Variants in USP22 observed in about 807,000 individuals in gnomAD.
USP22 encodes the protein ubiquitin carboxyl-terminal hydrolase 22.
USP22 carries 22 observed loss-of-function variants against 68.1 expected under a neutral mutation model. The observed-to-expected ratio is 0.32, with a 90% CI of 0.23 to 0.46. USP22 has a LOEUF of 0.46. Ranked by LOEUF, USP22 falls within the 20% of genes least tolerant of loss-of-function variation. USP22 has a pLI of 1.00. For synonymous variants in USP22, 279 were observed against 274.2 expected, an observed-to-expected ratio of 1.02 and a Z score of -0.17; for missense variants, 433 against 695.8, an observed-to-expected ratio of 0.62 and a Z score of 4.25.
chr17:21,026,321 G>A (rs769569247), intron 2 of USP22, among the ~76,000 whole-genome samples: 17 of 152,006 alleles, frequency 1.1e-4, no homozygotes, highest in Non-Finnish European at 2.2e-4. Context: ...GCCTTAAATC[G>A]TCTCACTTCT....
In USP22 at chr17:21,004,784, CA is replaced by C; in HGVS notation, c.1385+143del. 10 of 146,920 alleles carry C rather than the reference CA, an allele frequency of 6.8e-5. 4 individuals are homozygous for C. Among genetic ancestry groups the C allele is most frequent in the South Asian group, 1.8e-4 (1 of 5,642 alleles). The allele number at this position is 146,920 out of a possible 1,614,324, so 9.1% of individuals were successfully genotyped here. ...CGGCCTTTCCTAGTGGAGCTGCGGGCAGCCAATAGTGGAGCTGCGGGCAGCC... is the reference window on the plus strand; with the variant it reads ...CGGCCTTTCCTAGTGGAGCTGCGGGCGCCAATAGTGGAGCTGCGGGCAGCC... On this transcript the variant is annotated intron_variant, in intron 11 of 12. Coordinates refer to ENST00000261497, the MANE Select transcript of USP22 (RefSeq NM_015276.2).
At chr17:21,026,725 G>C (rs1285020174) in intron 2 of USP22, among the ~76,000 whole-genome samples, 2 of 151,696 alleles carry the variant, frequency 1.3e-5, no homozygotes, top group Non-Finnish European at 2.9e-5. Flanking sequence ...AGCACTTTGG[G>C]AGGCCACAGC....
rs755463558 is a variant in USP22 at position 21,008,028 on chromosome 17, A to ATTAC, written c.1104-33_1104-32insGTAA. The ATTAC allele has an allele frequency of 1.9e-6, 3 of 1,605,442 alleles. No individual in the cohort carries two copies. In the Admixed American group the frequency reaches 5.1e-5, roughly 27 times the overall value. On this transcript the variant is annotated intron_variant, in intron 8 of 12. Transcript: ENST00000261497. ...GCGTTCAAAAAAGACAGGAGCGGTAAGGGAGATGCAAGAGACAGAAAAATG... is the reference window on the plus strand; with the variant it reads ...GCGTTCAAAAAAGACAGGAGCGGTAATTACGGGAGATGCAAGAGACAGAAAAATG...
intron 7 of USP22, 42 bp from the exon 8 acceptor site, chr17:21,011,351 C>T (rs1242602770): frequency 6.5e-7 from 1 of 1,549,892 alleles, no homozygotes; most frequent in Admixed American, 2.0e-5. Context: ...GACTGACACC[C>T]ACCCAGCTCC....
chr17:21,021,973 G>A (rs1238406205), intron 2 of USP22, among the ~76,000 whole-genome samples: 2 of 152,040 alleles, frequency 1.3e-5, no homozygotes, highest in South Asian at 2.1e-4. Context: ...GGTGGCACAC[G>A]CCTGTAACCC....
intron 1 of USP22, 83 bp from the exon 2 acceptor site, chr17:21,028,757 C>T (rs1972253951): frequency 1.3e-6 from 2 of 1,494,066 alleles, no homozygotes; most frequent in Admixed American, 4.4e-5. Context: ...AAGCATCCCC[C>T]CGAGACAGCT....
At chr17:21,042,395 G>GAGAGGAGGGGGAGGGGAC (rs1972448225) in intron 1 of USP22, 1 of 246,258 alleles carries the variant, frequency 4.1e-6, no homozygotes, top group African/African-American at 2.3e-5. Context: ...GGAGGGGACA[G>GAGAGGAGGGGGAGGGGAC]AGAGGAGGGG....
chr17:21,032,548 C>A lies in USP22; in HGVS notation c.172-3874G>T, dbSNP rs553839868. The stretch of plus-strand genomic sequence containing the variant: ...AATTTGAGATGAAATTTCTGTTGTT[C>A]TAAGTTAATCGGTTTGTGGTGGTTT... On this transcript the variant is annotated intron_variant, in intron 1 of 12. Transcript: ENST00000261497. 2.0e-5 allele frequency among the ~76,000 whole-genome samples: 3 copies of A among 152,278 alleles called. No homozygotes were observed. In the South Asian group the frequency reaches 6.2e-4, roughly 32 times the overall value.
At chr17:21,036,719 G>A (rs1225613747) in intron 1 of USP22, among the ~76,000 whole-genome samples, 1 of 152,120 alleles carries the variant, frequency 6.6e-6, no homozygotes, top group African/African-American at 2.4e-5. Context: ...TAGAGTTGGA[G>A]ATATAAACAT....
intron 1 of USP22, among the ~76,000 whole-genome samples, chr17:21,032,122 C>T (rs1972298103): frequency 6.6e-6 from 1 of 150,852 alleles, no homozygotes; most frequent in African/African-American, 2.5e-5. Flanking sequence ...ATGCTTACAA[C>T]CGTCTTTCAA....
At chr17:21,040,885 C>CA (rs1324536061) in intron 1 of USP22, among the ~76,000 whole-genome samples, 22 of 107,434 alleles carry the variant, frequency 2.0e-4, no homozygotes, top group Non-Finnish European at 6.1e-5. Context: ...AACCAGGCCA[C>CA]CCTTTTTTTT....
chr17:21,005,230 C>T (rs904328945), intron 10 of USP22: 6 of 532,154 alleles, frequency 1.1e-5, no homozygotes, highest in East Asian at 9.5e-5. Context: ...CCTGGTTCTT[C>T]CAAGGTGGGT....
rs1421271895 is a variant in USP22, at chr17:21,020,987, G to A, written c.418+126C>T. On this transcript the variant is annotated intron_variant, in intron 3 of 12. Transcript: ENST00000261497. ...CCACTGTGGGCCTTAGGGGAAGGTG[G>A]GGACGGCCTCTTCCCACCAGCCTGC... 112 of 709,816 alleles carry A rather than the reference G, an allele frequency of 1.6e-4. 1 individual carries two copies. The East Asian group carries it at 3.0e-3, about 19-fold the overall frequency. The allele number at this position is 709,816 out of a possible 1,614,324, so 44.0% of individuals were successfully genotyped here.
chr17:21,032,758 G>A (rs1972305723), intron 1 of USP22, among the ~76,000 whole-genome samples: 1 of 151,890 alleles, frequency 6.6e-6, no homozygotes, highest in African/African-American at 2.4e-5. Flanking sequence ...GGGCCAAATG[G>A]TGAAACCTCA....
At chr17:21,024,460 C>A (rs944155973) in intron 2 of USP22, among the ~76,000 whole-genome samples, 34 of 152,208 alleles carry the variant, frequency 2.2e-4, no homozygotes, top group Admixed American at 6.5e-5. Context: ...GATAGGGTAT[C>A]TCTGTAACAA....
intron 5 of USP22, 147 bp from the exon 6 acceptor site, chr17:21,016,046 G>T: frequency 2.7e-6 from 3 of 1,128,142 alleles, no homozygotes; most frequent in Non-Finnish European, 3.6e-6. Flanking sequence ...TCTACTTTTT[G>T]CAAAGTCTAT....
intron 1 of USP22, among the ~76,000 whole-genome samples, chr17:21,033,841 C>G (rs994422980): frequency 6.6e-6 from 1 of 151,838 alleles, no homozygotes; most frequent in Non-Finnish European, 1.5e-5. Flanking sequence ...CTCCGCCTCC[C>G]GGGTTCAAGT....
At chr17:21,038,665 CAA>C (rs35897137) in intron 1 of USP22, among the ~76,000 whole-genome samples, 31 of 107,638 alleles carry the variant, frequency 2.9e-4, no homozygotes, top group African/African-American at 4.3e-4. Flanking sequence ...GACCCTGTCT[CAA>C]AAAAAAAAAA....
chr17:21,014,715 T>TC (rs1209327356), intron 6 of USP22, among the ~76,000 whole-genome samples: 1 of 152,064 alleles, frequency 6.6e-6, no homozygotes, highest in Non-Finnish European at 1.5e-5. Context: ...GCTGTTCAAC[T>TC]CGGTGAACCG....
Sources: gnomAD v4.1 joint callset for allele counts (sites outside exome capture counted in the v4.1 genomes callset) on GRCh38, gnomAD v4.1.1 for gene constraint, MANE v1.5 for transcripts, NCBI Gene and HGNC (gene_info 2026-07-23, HGNC 2026-07-21) for gene names.